The following RAB27A variants were observed in gnomAD, a reference collection of about 807,000 sequenced individuals.
RAB27A encodes the protein RAB27A, member RAS oncogene family, also known as ras-related protein Rab-27A.
In RAB27A, 17 loss-of-function variants were observed where a neutral mutation model predicts 20.8. That is an observed-to-expected ratio of 0.82 (90% CI 0.56 to 1.23). The LOEUF (loss-of-function observed/expected upper bound fraction) is 1.23. Ranked by LOEUF, RAB27A falls within the 50% of genes most tolerant of loss-of-function variation. The probability of loss-of-function intolerance (pLI) is 0.00; values close to 1 mark genes in which losing one functional copy is unlikely to be tolerated. For synonymous variants in RAB27A, 85 were observed against 92.8 expected, an observed-to-expected ratio of 0.92 and a Z score of 0.48; for missense variants, 277 against 266.7, an observed-to-expected ratio of 1.04 and a Z score of -0.27.
Position 55,205,549 on chromosome 15 carries a change from A to G in RAB27A, c.624T>C (p.Asp208=). ...CTTTCTCCTTTTCTTCACTTAACTG[A>G]TCCGTAGAGGCATGACCATTTGATC... ...VVRSNGHAST[D]QLSEEKEKGA... is the part of the protein sequence containing the mutation. The change falls in exon 7 of 7, where the codon GAT becomes GAC. Residue 208 remains aspartate, a synonymous_variant. Transcript: ENST00000336787. The G allele has an allele frequency of 6.2e-7, 1 of 1,614,112 alleles. No homozygotes were observed. The highest frequency in any genetic ancestry group is 1.1e-5 in the South Asian group (1 of 91,076).
chr15:55,260,541 G>A (rs984837931), intron 2 of RAB27A, among the ~76,000 whole-genome samples: 2 of 152,204 alleles, frequency 1.3e-5, no homozygotes, highest in African/African-American at 4.8e-5. Flanking sequence ...GCAACAAGAT[G>A]TTCGTCAGTA....
chr15:55,256,749 T>C (rs781325414), intron 2 of RAB27A, among the ~76,000 whole-genome samples: 3 of 152,212 alleles, frequency 2.0e-5, no homozygotes, highest in Non-Finnish European at 4.4e-5. Flanking sequence ...CCACCATCTG[T>C]TTAGACCCAG....
chr15:55,210,221 G>GTA (rs1894950088), intron 6 of RAB27A, among the ~76,000 whole-genome samples: 1 of 122,694 alleles, frequency 8.2e-6, no homozygotes, highest in South Asian at 2.8e-4. Context: ...GTATGTGTAT[G>GTA]TATATATACA....
intron 2 of RAB27A, among the ~76,000 whole-genome samples, chr15:55,302,843 A>G (rs1433727402): frequency 7.8e-6 from 1 of 127,898 alleles, no homozygotes; most frequent in Non-Finnish European, 1.6e-5. Flanking sequence ...CCTGGCAACC[A>G]CCCCGTCTGA....
intron 6 of RAB27A, among the ~76,000 whole-genome samples, chr15:55,215,875 G>T (rs1895273081): frequency 6.7e-6 from 1 of 149,696 alleles, no homozygotes; most frequent in African/African-American, 2.5e-5. Context: ...TAACCTGGGA[G>T]GCGGAGGTTG....
upstream of RAB27A, among the ~76,000 whole-genome samples, chr15:55,293,916 T>TA (rs1007081752): frequency 8.2e-5 from 12 of 147,234 alleles, no homozygotes; most frequent in South Asian, 4.2e-4. Context: ...ACTTCTCAGA[T>TA]AAAAAAAAAA....
At chr15:55,253,054 C>T (rs1446268173) in intron 2 of RAB27A, among the ~76,000 whole-genome samples, 2 of 151,904 alleles carry the variant, frequency 1.3e-5, no homozygotes, top group African/African-American at 4.8e-5. Flanking sequence ...ATCACTTGAA[C>T]CCAGGAGGCG....
chr15:55,226,061 G>A (rs1040026171), intron 5 of RAB27A, among the ~76,000 whole-genome samples: 3 of 152,152 alleles, frequency 2.0e-5, no homozygotes, highest in African/African-American at 7.2e-5. Flanking sequence ...GTAAAAATAT[G>A]TAAAATATAT....
In RAB27A at chr15:55,209,794, A is replaced by ATACATATATACACACATGTG. The variant is rs1894841233; in HGVS notation, c.468-4090_468-4089insCACATGTGTGTATATATGTA. Among the ~76,000 whole-genome samples the ATACATATATACACACATGTG allele has an allele frequency of 1.2e-4, 16 of 130,632 alleles. 4 individuals carry two copies. Among genetic ancestry groups the ATACATATATACACACATGTG allele is most frequent in the African/African-American group, 5.6e-4 (15 of 26,870 alleles). The allele number at this position is 130,632 out of a possible 152,430, so 85.7% of individuals were successfully genotyped here. A position where few individuals can be genotyped will look rare whatever the true frequency, so the allele number is the denominator to read the frequency against. On this transcript the variant is annotated intron_variant, in intron 6 of 6. Coordinates refer to ENST00000336787, the MANE Select transcript of RAB27A (RefSeq NM_183235.3). ...TACATATATACACACATATGTGTGTATGTATACATATATACACACATGTGT... is the reference window on the plus strand; with the variant it reads ...TACATATATACACACATATGTGTGTATACATATATACACACATGTGTGTATACATATATACACACATGTGT...
chr15:55,262,745 G>A (rs117472050), intron 2 of RAB27A, among the ~76,000 whole-genome samples: 6,919 of 150,606 alleles, frequency 0.046, 214 homozygotes, highest in Non-Finnish European at 0.07. Flanking sequence ...TGACTGTCCC[G>A]CCCCAGCCTC....
intron 2 of RAB27A, among the ~76,000 whole-genome samples, chr15:55,307,504 C>T (rs1212914988): frequency 6.6e-6 from 1 of 151,960 alleles, no homozygotes; most frequent in East Asian, 1.9e-4. Flanking sequence ...ATATTCTATA[C>T]CTAACGCCTG....
intron 6 of RAB27A, among the ~76,000 whole-genome samples, chr15:55,209,546 G>C (rs1176221458): frequency 6.6e-6 from 1 of 151,810 alleles, no homozygotes; most frequent in Non-Finnish European, 1.5e-5. Context: ...TCCATTGATG[G>C]GTAGATTGAT....
chr15:55,218,565 A>G (rs1395310812), intron 6 of RAB27A, among the ~76,000 whole-genome samples: 2 of 152,346 alleles, frequency 1.3e-5, no homozygotes, highest in East Asian at 3.9e-4. Context: ...CCATACTGAT[A>G]TTATTAATGT....
intron 1 of RAB27A, chr15:55,289,258 TG>T (rs1898243441): frequency 2.0e-5 from 3 of 152,476 alleles, no homozygotes; most frequent in Non-Finnish European, 4.4e-5. Flanking sequence ...TCAGTCTAAC[TG>T]ACAGGAGAAG....
At chr15:55,315,644 T>C (rs143753829) in intron 1 of RAB27A, among the ~76,000 whole-genome samples, 3,479 of 152,082 alleles carry the variant, frequency 0.023, 65 homozygotes, top group Non-Finnish European at 0.033. Context: ...CCAACAAACT[T>C]ATGAAAAAAA....
At chr15:55,294,825 G>C (rs950028343) in intron 2 of RAB27A, among the ~76,000 whole-genome samples, 2 of 152,018 alleles carry the variant, frequency 1.3e-5, no homozygotes, top group African/African-American at 4.8e-5. Context: ...CAGAAGAAAA[G>C]AGTAGATTAA....
At chr15:55,239,847 G>C (rs1446759884) in intron 2 of RAB27A, among the ~76,000 whole-genome samples, 2 of 152,270 alleles carry the variant, frequency 1.3e-5, no homozygotes, top group South Asian at 4.1e-4. Context: ...CAAAATAACA[G>C]ATCTTTCAAG....
chr15:55,274,909 A>T (rs1897820710), intron 1 of RAB27A, among the ~76,000 whole-genome samples: 1 of 150,288 alleles, frequency 6.7e-6, no homozygotes, highest in Non-Finnish European at 1.5e-5. Flanking sequence ...ATGAAATAAG[A>T]GGTGTTACAA....
chr15:55,259,446 A>G (rs1183351380), intron 2 of RAB27A, among the ~76,000 whole-genome samples: 1 of 151,102 alleles, frequency 6.6e-6, no homozygotes, highest in Non-Finnish European at 1.5e-5. Context: ...CGCCACGCCC[A>G]GCTAATTTTC....
Sources: gnomAD v4.1 joint callset for allele counts (sites outside exome capture counted in the v4.1 genomes callset) on GRCh38, gnomAD v4.1.1 for gene constraint, MANE v1.5 for transcripts, NCBI Gene and HGNC (gene_info 2026-07-23, HGNC 2026-07-21) for gene names.